The following BTD variants were observed in gnomAD, a reference collection of about 807,000 sequenced individuals.
BTD encodes biotinidase.
BTD carries 13 observed loss-of-function variants against 17.7 expected under a neutral mutation model. That is an observed-to-expected ratio of 0.74 (90% confidence interval 0.48 to 1.17). The LOEUF (loss-of-function observed/expected upper bound fraction) is 1.17. Among genes scored for constraint, BTD ranks in the 50% most tolerant of loss-of-function variants. The pLI, the probability that BTD is intolerant of heterozygous loss-of-function variation, is 0.00. For missense variants in BTD, 674 were observed against 650.4 expected, an observed-to-expected ratio of 1.04 and a Z score of -0.39; for synonymous variants, 240 against 245.2, an observed-to-expected ratio of 0.98 and a Z score of 0.20.
At chr3:15,679,473 T>C in intron 3 of BTD, 2 of 1,613,938 alleles carry the variant, frequency 1.2e-6, no homozygotes, top group Non-Finnish European at 1.7e-6. Context: ...TGGCTTTACT[T>C]ACACGGCACA....
At chr3:15,680,350 C>A (rs1196634709) in intron 3 of BTD, among the ~76,000 whole-genome samples, 2 of 151,824 alleles carry the variant, frequency 1.3e-5, no homozygotes, top group Non-Finnish European at 2.9e-5. Flanking sequence ...ACTACAGGCG[C>A]CCACCACCAT....
chr3:15,644,308 T>C lies in BTD; in HGVS notation c.400-8T>C, dbSNP rs758512428. Reference sequence around the variant, plus strand: ...AACCTCATTTATTTACACCTTTTTTTCCTCTAGGTGCTCCAGCGCCTGAGT... The same window carrying C: ...AACCTCATTTATTTACACCTTTTTTCCCTCTAGGTGCTCCAGCGCCTGAGT... On this transcript the variant is annotated splice_polypyrimidine_tract_variant and splice_region_variant and intron_variant, in intron 3 of 3. Coordinates refer to ENST00000643237, the MANE Select transcript of BTD (RefSeq NM_001370658.1). 1 of 1,612,586 alleles carries C rather than the reference T, an allele frequency of 6.2e-7. No homozygotes were observed.
In BTD at chr3:15,648,231, CAAA is replaced by C. The variant is rs2065739022; in HGVS notation, c.*2744_*2746del. Reference sequence around the variant, plus strand: ...GAACCGCTCAAGTGAAATGACCACTCAAAGAACAATTTCTCAACAAAGTGGATT... The same window carrying C: ...GAACCGCTCAAGTGAAATGACCACTCGAACAATTTCTCAACAAAGTGGATT... On this transcript the variant is annotated 3_prime_UTR_variant, in exon 4 of 4. Transcript: ENST00000643237. Among the ~76,000 whole-genome samples, 1 of 151,704 alleles carries C rather than the reference CAAA, an allele frequency of 6.6e-6. No homozygotes were observed. Among genetic ancestry groups the C allele is most frequent in the Non-Finnish European group, 1.5e-5 (1 of 67,980 alleles).
rs2065778002 is a variant in BTD at position 15,650,180 on chromosome 3, G to A, written c.*4692G>A. 6.6e-6 allele frequency among the ~76,000 whole-genome samples: 1 copy of A among 152,194 alleles called. No homozygotes were observed. Among genetic ancestry groups the A allele is most frequent in the South Asian group, 2.1e-4 (1 of 4,826 alleles). ...TGCTGAATGAATGAATGAATGAATA[G>A]GTAGTCACAAAGAATGTTTAGAATG... On this transcript the variant is annotated 3_prime_UTR_variant, in exon 4 of 4. Coordinates refer to ENST00000643237, the MANE Select transcript of BTD (RefSeq NM_001370658.1).
At chr3:15,681,323 G>A (rs368591277) in intron 3 of BTD, among the ~76,000 whole-genome samples, 17 of 152,162 alleles carry the variant, frequency 1.1e-4, no homozygotes, top group African/African-American at 2.9e-4. Flanking sequence ...TGAATTCACC[G>A]ATGGGGGACC....
chr3:15,674,565 G>C (rs1376016774), intron 3 of BTD, among the ~76,000 whole-genome samples: 1 of 152,188 alleles, frequency 6.6e-6, no homozygotes, highest in African/African-American at 2.4e-5. Flanking sequence ...TGGATATATA[G>C]AGACTGTGAG....
chr3:15,657,831 A>AG (rs1036837178), downstream of BTD, among the ~76,000 whole-genome samples: 161 of 152,020 alleles, frequency 1.1e-3, no homozygotes, highest in Non-Finnish European at 2.0e-3. Flanking sequence ...CACTGAAAAA[A>AG]AAAAAAGAGT....
rs1396199717 is a variant in BTD, at chr3:15,652,802, T to C, written c.*7314T>C. Reference sequence around the variant, plus strand: ...CTATACAGGTATCTCTCCCACTATATATATATCAAGTGCTATTAGTGGCTA... The same window carrying C: ...CTATACAGGTATCTCTCCCACTATACATATATCAAGTGCTATTAGTGGCTA... On this transcript the variant is annotated 3_prime_UTR_variant, in exon 4 of 4. Transcript: ENST00000643237. Among the ~76,000 whole-genome samples the C allele has an allele frequency of 1.3e-5, 2 of 152,200 alleles. No individual in the cohort carries two copies. Among genetic ancestry groups the C allele is most frequent in the African/African-American group, 2.4e-5 (1 of 41,458 alleles).
intron 3 of BTD, among the ~76,000 whole-genome samples, chr3:15,691,106 T>C (rs1488433422): frequency 1.3e-5 from 2 of 152,002 alleles, no homozygotes; most frequent in African/African-American, 4.8e-5. Context: ...AGACTGAAGA[T>C]TTGTCAGACT....
chr3:15,640,460 A>C (rs2065466348), intron 2 of BTD, among the ~76,000 whole-genome samples: 1 of 150,544 alleles, frequency 6.6e-6, no homozygotes, highest in African/African-American at 2.5e-5. Context: ...GTGCGATCTC[A>C]GCTCACCGCA....
In BTD at chr3:15,651,714, G is replaced by T. The variant is rs1013405283; in HGVS notation, c.*6226G>T. 1.3e-5 allele frequency among the ~76,000 whole-genome samples: 2 copies of T among 152,224 alleles called. No individual in the cohort carries two copies. Among genetic ancestry groups the T allele is most frequent in the South Asian group, 2.1e-4 (1 of 4,832 alleles). ...AAGAGAATCTGGTTGGTGCTATCTAGAAGTCAGTGTTGGGGAGGTCACAGA... is the reference window on the plus strand; with the variant it reads ...AAGAGAATCTGGTTGGTGCTATCTATAAGTCAGTGTTGGGGAGGTCACAGA... On this transcript the variant is annotated 3_prime_UTR_variant, in exon 4 of 4. Transcript: ENST00000643237.
At chr3:15,611,452 C>G (rs1474716580) in intron 1 of BTD, among the ~76,000 whole-genome samples, 2 of 152,108 alleles carry the variant, frequency 1.3e-5, no homozygotes, top group Non-Finnish European at 2.9e-5. Flanking sequence ...AAAATGCCTT[C>G]TTTTACTATA....
intron 1 of BTD, among the ~76,000 whole-genome samples, chr3:15,625,844 C>A (rs1399915247): frequency 6.6e-6 from 1 of 152,206 alleles, no homozygotes; most frequent in South Asian, 2.1e-4. Flanking sequence ...CGTGAGCCAC[C>A]ACGCCTGGCC....
chr3:15,660,782 TC>T (rs994615685), intron 3 of BTD, among the ~76,000 whole-genome samples: 57 of 152,302 alleles, frequency 3.7e-4, no homozygotes, highest in African/African-American at 1.3e-3. Flanking sequence ...ATTCCTTTCC[TC>T]CCTCATATCC....
intron 3 of BTD, among the ~76,000 whole-genome samples, chr3:15,694,370 T>G (rs2069225195): frequency 6.6e-6 from 1 of 152,148 alleles, no homozygotes; most frequent in South Asian, 2.1e-4. Flanking sequence ...CCACAGAATG[T>G]GTGTGTATAC....
At chr3:15,640,484 G>A (rs1043705869) in intron 2 of BTD, among the ~76,000 whole-genome samples, 1 of 151,492 alleles carries the variant, frequency 6.6e-6, no homozygotes, top group East Asian at 1.9e-4. Flanking sequence ...TCTGCCTCCC[G>A]GGTTCCAGTG....
intron 3 of BTD, chr3:15,685,087 T>A: frequency 2.6e-6 from 2 of 775,046 alleles, no homozygotes; most frequent in Non-Finnish European, 4.2e-6. Context: ...GTACTAAGTA[T>A]TATTAGTACG....
At chr3:15,675,066 T>C (rs966204191) in intron 3 of BTD, among the ~76,000 whole-genome samples, 1 of 152,032 alleles carries the variant, frequency 6.6e-6, no homozygotes, top group African/African-American at 2.4e-5. Flanking sequence ...GGTCAGGGGT[T>C]TGAGACCAGC....
In BTD at chr3:15,646,628, A is replaced by G. The variant is rs183594358; in HGVS notation, c.*1140A>G. ...TCCAATATTTCAAAGCCATTTAAAA[A>G]AGGATTTTGACTGCATGCCTAGTAG... On this transcript the variant is annotated 3_prime_UTR_variant, in exon 4 of 4. Transcript: ENST00000643237. The G allele has an allele frequency of 3.5e-4, 53 of 152,368 alleles. No individual in the cohort carries two copies. Among genetic ancestry groups the G allele is most frequent in the African/African-American group, 1.3e-3 (53 of 41,590 alleles). The allele number at this position is 152,368 out of a possible 1,614,324, so 9.4% of individuals were successfully genotyped here.
Sources: gnomAD v4.1 joint callset for allele counts (sites outside exome capture counted in the v4.1 genomes callset) on GRCh38, gnomAD v4.1.1 for gene constraint, MANE v1.5 for transcripts, NCBI Gene and HGNC (gene_info 2026-07-23, HGNC 2026-07-21) for gene names.